WDR70: variants seen among roughly 807,000 people sequenced by gnomAD.
The protein encoded by WDR70 is WD repeat domain 70, also known as WD repeat-containing protein 70.
WDR70 carries 53 observed loss-of-function variants against 88.6 expected under a neutral mutation model. That is an observed-to-expected ratio of 0.60 (90% CI 0.48 to 0.75). The LOEUF (loss-of-function observed/expected upper bound fraction) is 0.75. Among genes scored for constraint, WDR70 ranks in the 30% least tolerant of loss-of-function variants. The probability of loss-of-function intolerance (pLI) is 0.00; values close to 1 mark genes in which losing one functional copy is unlikely to be tolerated. For synonymous variants in WDR70, 280 were observed against 270.0 expected (o/e 1.04, Z -0.36); for missense variants, 610 against 823.2 (o/e 0.74, Z 3.17).
intron 9 of WDR70, among the ~76,000 whole-genome samples, chr5:37,557,961 TGTATA>T (rs1742362045): frequency 6.7e-6 from 1 of 148,280 alleles, no homozygotes; most frequent in African/African-American, 2.5e-5. Flanking sequence ...AAGAGTATTA[TGTATA>T]TTTATTATGT....
chr5:37,661,263 C>G (rs923611367), intron 10 of WDR70, among the ~76,000 whole-genome samples: 6 of 152,208 alleles, frequency 3.9e-5, no homozygotes, highest in Admixed American at 1.3e-4. Context: ...GTCTTGATGG[C>G]AGCTGAATGC....
intron 10 of WDR70, among the ~76,000 whole-genome samples, chr5:37,607,239 G>C (rs61435914): frequency 0.4 from 60,629 of 151,450 alleles, 14,677 homozygotes; most frequent in Non-Finnish European, 0.53. Flanking sequence ...ACTATGCCTG[G>C]CCTGGATTTT....
intron 5 of WDR70, among the ~76,000 whole-genome samples, chr5:37,411,583 G>A (rs528776395): frequency 4.6e-5 from 7 of 152,194 alleles, no homozygotes; most frequent in African/African-American, 9.6e-5. Flanking sequence ...AAAATTATCC[G>A]GGTGTGTTGG....
At chr5:37,731,761 A>G (rs1173314745) in intron 17 of WDR70, among the ~76,000 whole-genome samples, 1 of 152,178 alleles carries the variant, frequency 6.6e-6, no homozygotes, top group African/African-American at 2.4e-5. Flanking sequence ...TGTCTTCAAA[A>G]ATACTGATAT....
intron 9 of WDR70, among the ~76,000 whole-genome samples, chr5:37,554,637 G>GACAC (rs373842695): frequency 6.7e-6 from 1 of 148,584 alleles, no homozygotes. Flanking sequence ...TAGGCTAACA[G>GACAC]ACACACACAC....
chr5:37,589,249 TACACACACACACACACACAC>T (rs57446016), intron 9 of WDR70, among the ~76,000 whole-genome samples: 1 of 140,102 alleles, frequency 7.1e-6, no homozygotes. Context: ...CCTACACACA[TACACACACACACACACACAC>T]ACACACACAC....
intron 13 of WDR70, among the ~76,000 whole-genome samples, chr5:37,707,568 G>C (rs1747363512): frequency 6.6e-6 from 1 of 152,056 alleles, no homozygotes; most frequent in Non-Finnish European, 1.5e-5. Context: ...TGAAGCAACA[G>C]AAAAGGAAAT....
intron 10 of WDR70, among the ~76,000 whole-genome samples, chr5:37,667,537 A>G (rs1400457337): frequency 6.6e-6 from 1 of 152,128 alleles, no homozygotes; most frequent in Non-Finnish European, 1.5e-5. Context: ...CTTTTTCCTA[A>G]GGTTTTAGTT....
intron 10 of WDR70, among the ~76,000 whole-genome samples, chr5:37,678,819 C>T (rs546381611): frequency 1.9e-4 from 29 of 151,954 alleles, no homozygotes; most frequent in African/African-American, 6.7e-4. Context: ...TAATATCCTG[C>T]AGAGTGTTTT....
intron 8 of WDR70, among the ~76,000 whole-genome samples, chr5:37,511,513 A>C (rs931986244): frequency 6.6e-6 from 1 of 151,794 alleles, no homozygotes; most frequent in Non-Finnish European, 1.5e-5. Flanking sequence ...GTAATCAATA[A>C]TTTTTGCAAG....
intron 10 of WDR70, among the ~76,000 whole-genome samples, chr5:37,644,769 C>T (rs1327016266): frequency 2.0e-5 from 3 of 151,836 alleles, no homozygotes; most frequent in Admixed American, 6.6e-5. Flanking sequence ...TATAATTGCT[C>T]ATAATAGCTG....
intron 9 of WDR70, among the ~76,000 whole-genome samples, chr5:37,540,605 C>A (rs1201645345): frequency 6.6e-6 from 1 of 152,198 alleles, no homozygotes; most frequent in Non-Finnish European, 1.5e-5. Flanking sequence ...TGGTCTTGAT[C>A]TCTTGACCTC....
chr5:37,636,109 A>G (rs1170268082), intron 10 of WDR70, among the ~76,000 whole-genome samples: 1 of 152,182 alleles, frequency 6.6e-6, no homozygotes. Flanking sequence ...GCCACATGAG[A>G]ATGGACTAAT....
At chr5:37,576,104 C>T (rs1236806523) in intron 9 of WDR70, among the ~76,000 whole-genome samples, 3 of 140,456 alleles carry the variant, frequency 2.1e-5, no homozygotes, top group Non-Finnish European at 3.1e-5. Context: ...CCTCCCTCCC[C>T]GCCTCCTTCC....
At chr5:37,582,189 G>A (rs753244140) in intron 9 of WDR70, among the ~76,000 whole-genome samples, 11 of 152,118 alleles carry the variant, frequency 7.2e-5, no homozygotes, top group Non-Finnish European at 1.3e-4. Context: ...CATTTTTACT[G>A]TTGCATTCTG....
At chr5:37,503,516 G>A (rs1178341171) in intron 8 of WDR70, among the ~76,000 whole-genome samples, 3 of 152,060 alleles carry the variant, frequency 2.0e-5, no homozygotes, top group South Asian at 2.1e-4. Flanking sequence ...GAGAACAGGC[G>A]GTATTTGGTC....
At chr5:37,431,759 T>C (rs918638371) in intron 5 of WDR70, among the ~76,000 whole-genome samples, 2 of 152,238 alleles carry the variant, frequency 1.3e-5, no homozygotes, top group South Asian at 2.1e-4. Context: ...CTGCTTTCTA[T>C]CTCTATTAAT....
At chr5:37,615,069 T>A (rs1433401138) in intron 10 of WDR70, among the ~76,000 whole-genome samples, 1 of 151,980 alleles carries the variant, frequency 6.6e-6, no homozygotes, top group Non-Finnish European at 1.5e-5. Context: ...GATTGAGGGA[T>A]AAGGGAAGGA....
At position 37,453,874 on chromosome 5, in the gene WDR70, C is replaced by G. The variant is rs150109650; in HGVS notation, c.686+10502C>G. On this transcript the variant is annotated intron_variant, in intron 7 of 17. Coordinates refer to ENST00000265107, the MANE Select transcript of WDR70 (RefSeq NM_018034.4). Reference sequence around the variant, plus strand: ...GCTCCTCAGAGAGACCTTTCCTCACCATACTGTCAAAAGTAGCTCCTCTCC... The same window carrying G: ...GCTCCTCAGAGAGACCTTTCCTCACGATACTGTCAAAAGTAGCTCCTCTCC... Among the ~76,000 whole-genome samples, 197 of 152,222 alleles carry G rather than the reference C, an allele frequency of 1.3e-3. 1 individual carries two copies. Among genetic ancestry groups the G allele is most frequent in the African/African-American group, 4.6e-3 (192 of 41,546 alleles).
Sources: allele counts gnomAD v4.1 joint callset (sites outside exome capture counted in the v4.1 genomes callset), GRCh38; gene constraint gnomAD v4.1.1; transcripts MANE v1.5; gene names NCBI Gene and HGNC (gene_info 2026-07-23, HGNC 2026-07-21).